Variants in ADGB observed in about 807,000 individuals in gnomAD.
ADGB encodes the protein androglobin, also known as calpain-7-like protein.
ADGB carries 172 observed loss-of-function variants against 210.5 expected under a neutral mutation model. The observed-to-expected ratio is 0.82, with a 90% CI of 0.72 to 0.93. The LOEUF (loss-of-function observed/expected upper bound fraction) is 0.93. Among genes scored for constraint, ADGB ranks in the 40% least tolerant of loss-of-function variants. The pLI is 0.00. For missense variants in ADGB, 2,025 were observed against 1,964.8 expected, an observed-to-expected ratio of 1.03 and a Z score of -0.58; for synonymous variants, 658 against 662.7, an observed-to-expected ratio of 0.99 and a Z score of 0.11.
intron 16 of ADGB, among the ~76,000 whole-genome samples, chr6:146,721,168 G>C (rs1316774121): frequency 1.3e-5 from 2 of 152,094 alleles, no homozygotes; most frequent in African/African-American, 4.8e-5. Flanking sequence ...GCCTCTCTCT[G>C]ATATGGTGGC....
intron 9 of ADGB, among the ~76,000 whole-genome samples, chr6:146,677,223 A>T (rs913313187): frequency 6.6e-6 from 1 of 152,152 alleles, no homozygotes; most frequent in Non-Finnish European, 1.5e-5. Context: ...ATGATACCGC[A>T]ACCTATTCAG....
chr6:146,653,691 C>T (rs576713005), intron 3 of ADGB, among the ~76,000 whole-genome samples: 81 of 151,958 alleles, frequency 5.3e-4, no homozygotes, highest in Non-Finnish European at 1.0e-3. Context: ...ACCCCCATGA[C>T]GTAAGTTTAC....
intron 29 of ADGB, among the ~76,000 whole-genome samples, chr6:146,778,755 C>T (rs1371550899): frequency 6.6e-6 from 1 of 152,068 alleles, no homozygotes; most frequent in Non-Finnish European, 1.5e-5. Flanking sequence ...TGAATTTTTC[C>T]ACTATCCCAG....
chr6:146,801,728 CA>C (rs1778136942), intron 34 of ADGB, 99 bp from the exon 35 acceptor site: 2 of 1,028,474 alleles, frequency 1.9e-6, no homozygotes, highest in Non-Finnish European at 2.7e-6. Flanking sequence ...CTCAGACCAC[CA>C]CACTGTTGAT....
rs1348300912 is a variant in ADGB at position 146,803,771 on chromosome 6, A to C, written c.4818+1760A>C. On this transcript the variant is annotated intron_variant, in intron 35 of 35. Transcript: ENST00000397944. Reference sequence around the variant, plus strand: ...GCCTCAGCCCAGCCTCCGCGCTGACAATCAGCGCCCGGCAGCCTAGAGCGT... The same window carrying C: ...GCCTCAGCCCAGCCTCCGCGCTGACCATCAGCGCCCGGCAGCCTAGAGCGT... The C allele has an allele frequency of 1.6e-4, 101 of 643,870 alleles. 1 individual carries two copies. The highest frequency in any genetic ancestry group is 1.2e-4 in the Admixed American group (4 of 32,302). The allele number at this position is 643,870 out of a possible 1,614,324, so 39.9% of individuals were successfully genotyped here.
chr6:146,726,066 G>T lies in ADGB; in HGVS notation c.2238-17G>T, dbSNP rs375421962. ...CCAGGAAGCACTCGGTTATCATCCG[G>T]CATCCCTTCTCTTTAGGAGACACAT... On this transcript the variant is annotated splice_polypyrimidine_tract_variant and intron_variant, in intron 18 of 35. Transcript: ENST00000397944. 99 of 1,471,772 alleles carry T rather than the reference G, an allele frequency of 6.7e-5. No homozygotes were observed. In the African/African-American group the frequency reaches 1.3e-3, roughly 20 times the overall value. 91.2% of individuals were successfully genotyped at this position (1,471,772 alleles called of 1,614,324 possible).
chr6:146,745,254 C>T (rs918148180), intron 25 of ADGB, among the ~76,000 whole-genome samples: 5 of 152,166 alleles, frequency 3.3e-5, no homozygotes, highest in African/African-American at 1.2e-4. Flanking sequence ...ATTATAATCT[C>T]AGAATTACTT....
At chr6:146,779,573 C>G (rs1448417829) in intron 29 of ADGB, among the ~76,000 whole-genome samples, 1 of 151,986 alleles carries the variant, frequency 6.6e-6, no homozygotes, top group Non-Finnish European at 1.5e-5. Context: ...GGAGAAGTGG[C>G]TCATCACATA....
At chr6:146,618,150 A>G (rs1341278378) in intron 1 of ADGB, among the ~76,000 whole-genome samples, 1 of 152,036 alleles carries the variant, frequency 6.6e-6, no homozygotes, top group Admixed American at 6.6e-5. Context: ...GGTCTCCATC[A>G]TAACACCAAT....
intron 7 of ADGB, among the ~76,000 whole-genome samples, chr6:146,668,929 G>A (rs1195142487): frequency 6.6e-6 from 1 of 152,068 alleles, no homozygotes; most frequent in Non-Finnish European, 1.5e-5. Context: ...TGGTCTCTCT[G>A]TGAACATAGC....
At chr6:146,656,727 C>A in intron 4 of ADGB, 44 bp from the exon 5 acceptor site, 2 of 1,368,094 alleles carry the variant, frequency 1.5e-6, no homozygotes, top group Non-Finnish European at 9.8e-7. Flanking sequence ...ACAGTACCTA[C>A]AACTGAAAAA....
intron 32 of ADGB, among the ~76,000 whole-genome samples, chr6:146,787,795 G>C (rs1332787453): frequency 1.3e-5 from 2 of 152,034 alleles, no homozygotes; most frequent in East Asian, 3.9e-4. Context: ...AACATAACAT[G>C]AATTTGGTCA....
intron 9 of ADGB, among the ~76,000 whole-genome samples, chr6:146,684,925 C>A (rs181742961): frequency 1.3e-5 from 2 of 152,112 alleles, no homozygotes; most frequent in Admixed American, 6.6e-5. Context: ...CTAAGTTTGG[C>A]AGATTTTCAT....
At chr6:146,724,145 T>G in intron 17 of ADGB, 41 bp from the exon 18 acceptor site, 2 of 1,513,430 alleles carry the variant, frequency 1.3e-6, no homozygotes, top group South Asian at 2.6e-5. Context: ...CCAACTACAC[T>G]TTCATGATCA....
chr6:146,623,166 G>A (rs774414342), intron 1 of ADGB, among the ~76,000 whole-genome samples: 4 of 151,722 alleles, frequency 2.6e-5, no homozygotes, highest in East Asian at 1.9e-4. Flanking sequence ...TCTATTTTCC[G>A]TTTGGGTCCA....
chr6:146,671,068 A>G (rs1328836377), intron 7 of ADGB, among the ~76,000 whole-genome samples: 1 of 152,198 alleles, frequency 6.6e-6, no homozygotes, highest in East Asian at 1.9e-4. Context: ...TGTGCTATGG[A>G]ATCCTAGAGG....
chr6:146,654,292 C>A, intron 4 of ADGB, 86 bp downstream of exon 4: 3 of 786,062 alleles, frequency 3.8e-6, no homozygotes, highest in Non-Finnish European at 4.0e-6. Context: ...GATTTCAACT[C>A]TCCCTTGCTC....
At chr6:146,788,636 T>C (rs367665295) in intron 33 of ADGB, 26 bp downstream of exon 33, 1 of 1,530,544 alleles carries the variant, frequency 6.5e-7, no homozygotes, top group Non-Finnish European at 8.9e-7. Flanking sequence ...ATTGGTAACA[T>C]AAACATGTAT....
intron 13 of ADGB, among the ~76,000 whole-genome samples, chr6:146,706,959 G>A (rs766443618): frequency 1.0e-4 from 15 of 149,360 alleles, no homozygotes; most frequent in Non-Finnish European, 1.8e-4. Flanking sequence ...TCCCTGAGGT[G>A]TAACATTATG....
Sources: gnomAD v4.1 joint callset for allele counts (sites outside exome capture counted in the v4.1 genomes callset) on GRCh38, gnomAD v4.1.1 for gene constraint, MANE v1.5 for transcripts, NCBI Gene and HGNC (gene_info 2026-07-23, HGNC 2026-07-21) for gene names.